Variants in DNAH10 observed in about 807,000 individuals in gnomAD.
DNAH10 encodes axonemal beta dynein heavy chain 10.
In DNAH10, 348 loss-of-function variants were observed where a neutral mutation model predicts 506.6. The ratio of observed to expected loss-of-function variants is 0.69; its 90% confidence interval spans 0.63 to 0.75. The LOEUF (loss-of-function observed/expected upper bound fraction) is 0.75. Among genes scored for constraint, DNAH10 ranks in the 30% least tolerant of loss-of-function variants. The pLI, the probability that DNAH10 is intolerant of heterozygous loss-of-function variation, is 0.00. For synonymous variants in DNAH10, 2,059 were observed against 2,198.6 expected (o/e 0.94, Z 1.78); for missense variants, 5,179 against 5,787.1 (o/e 0.89, Z 3.41).
chr12:123,797,822 AC>A (rs950663352), intron 13 of DNAH10, among the ~76,000 whole-genome samples: 1 of 151,832 alleles, frequency 6.6e-6, no homozygotes, highest in Non-Finnish European at 1.5e-5. Flanking sequence ...ATATGATCTC[AC>A]CCCCCACCCA....
At chr12:123,774,763 A>G (rs985313958) in intron 5 of DNAH10, among the ~76,000 whole-genome samples, 5 of 152,236 alleles carry the variant, frequency 3.3e-5, no homozygotes, top group African/African-American at 7.2e-5. Context: ...CCTTGCCCTC[A>G]TTCCCGTAAA....
intron 4 of DNAH10, 105 bp from the exon 5 acceptor site, chr12:123,774,044 T>C: frequency 1.3e-6 from 1 of 755,532 alleles, no homozygotes; most frequent in South Asian, 1.8e-5. Context: ...AGAACATTCC[T>C]TGTAGCAGCT....
At chr12:123,783,891 A>G (rs1189907424) in intron 7 of DNAH10, 56 bp from the exon 8 acceptor site, 5 of 1,489,124 alleles carry the variant, frequency 3.4e-6, no homozygotes, top group Non-Finnish European at 4.7e-6. Context: ...AACCACCATA[A>G]GTGTCTGCTC....
chr12:123,934,324 C>G, intron 77 of DNAH10: 1 of 682,352 alleles, frequency 1.5e-6, no homozygotes. Context: ...CCAGGGTGGT[C>G]TAAGTCCGTG....
At chr12:123,920,970 G>A (rs950008873) in intron 65 of DNAH10, among the ~76,000 whole-genome samples, 5 of 152,014 alleles carry the variant, frequency 3.3e-5, no homozygotes, top group African/African-American at 4.8e-5. Flanking sequence ...TGGTGGTCTC[G>A]CCATGTTGCC....
chr12:123,806,228 C>T (rs779270073), intron 18 of DNAH10, among the ~76,000 whole-genome samples: 14 of 152,200 alleles, frequency 9.2e-5, no homozygotes, highest in Non-Finnish European at 1.9e-4. Flanking sequence ...CTAAATGCAG[C>T]AAGTGTGTAG....
intron 53 of DNAH10, among the ~76,000 whole-genome samples, chr12:123,894,169 C>A (rs1318016299): frequency 1.4e-5 from 2 of 147,298 alleles, no homozygotes; most frequent in Non-Finnish European, 3.0e-5. Flanking sequence ...TAGGTCACTG[C>A]AGCCTCGACC....
Position 123,783,274 on chromosome 12 carries a change from GCAGGGCTTT to G in DNAH10, c.999+14_999+22del. 6.2e-7 allele frequency: 1 copy of G among 1,613,292 alleles called. No individual in the cohort carries two copies. The highest frequency in any genetic ancestry group is 8.5e-7 in the Non-Finnish European group (1 of 1,179,824). ...GAAGAAGACACCTCAGGTAGTTTGT[GCAGGGCTTT>G]CAGAGAGCCCCGATCCAGGTCATGC... On this transcript the variant is annotated intron_variant, in intron 7 of 78. Coordinates refer to ENST00000673944, the MANE Select transcript of DNAH10 (RefSeq NM_001372106.1).
chr12:123,810,409 G>A (rs1040890553), intron 19 of DNAH10, among the ~76,000 whole-genome samples: 5 of 152,180 alleles, frequency 3.3e-5, no homozygotes, highest in South Asian at 2.1e-4. Flanking sequence ...AAGGCCAGGC[G>A]CGGTGGCTCA....
intron 76 of DNAH10, 86 bp from the exon 77 acceptor site, chr12:123,933,245 A>G: frequency 1.6e-6 from 2 of 1,267,618 alleles, no homozygotes; most frequent in East Asian, 6.1e-5. Context: ...TATGTCTTTT[A>G]TCATAAACTA....
rs1953953265 is a variant in DNAH10, at chr12:123,909,191, G to C, written c.9816-70G>C. ...TCTTTTGGTTGAGCTCGTTTTTCTGGAGCTCTCTTTCAGGCCAGATCCTGG... is the reference window on the plus strand; with the variant it reads ...TCTTTTGGTTGAGCTCGTTTTTCTGCAGCTCTCTTTCAGGCCAGATCCTGG... On this transcript the variant is annotated intron_variant, in intron 57 of 78. Transcript: ENST00000673944. The surrounding 1 kb of genome is among the most constrained non-coding windows in gnomAD (Gnocchi z 5.4). 1.3e-6 allele frequency: 2 copies of C among 1,559,450 alleles called. No individual in the cohort carries two copies. The highest frequency in any genetic ancestry group is 1.2e-5 in the South Asian group (1 of 84,496).
chr12:123,918,940 G>T lies in DNAH10; in HGVS notation c.11497G>T (p.Gly3833Cys). The T allele has an allele frequency of 6.2e-7, 1 of 1,610,340 alleles. No individual in the cohort carries two copies. Residue 3833 changes from glycine (G) to cysteine (C), a missense_variant, in exon 65 of 79, where the codon GGC (glycine) becomes TGC (cysteine). Gly to Cys is a radical substitution (Grantham distance 159). Coordinates refer to ENST00000673944, the MANE Select transcript of DNAH10 (RefSeq NM_001372106.1). ...DTLTFSIYNH[G>C]CTGLFERHKL... ...GCTGACCTTCAGCATCTATAACCAC[G>T]GCTGCACAGGTGAGCTCTCCCCACA...
At chr12:123,922,882 A>G (rs942170278) in intron 65 of DNAH10, 1 of 152,204 alleles carries the variant, frequency 6.6e-6, no homozygotes, top group African/African-American at 2.4e-5. Context: ...GTCTCCAAAT[A>G]CTGTCATATT....
At position 123,762,542 on chromosome 12, in the gene DNAH10, T is replaced by C; in HGVS notation, c.206T>C (p.Val69Ala). 1.9e-6 allele frequency: 3 copies of C among 1,555,268 alleles called. No individual in the cohort carries two copies. The highest frequency in any genetic ancestry group is 1.7e-6 in the Non-Finnish European group (2 of 1,151,058). ...YRTMVPEEVE[V>A]EIDEIPVLSE... ...ACTATGGTGCCGGAGGAGGTGGAGGTGGAGATTGGTGAGCCTCGACGCGCC... is the reference window on the plus strand; with the variant it reads ...ACTATGGTGCCGGAGGAGGTGGAGGCGGAGATTGGTGAGCCTCGACGCGCC... Residue 69 changes from valine to alanine, a missense_variant, in exon 1 of 79, where the codon GTG (valine) becomes GCG (alanine). Physicochemically the swap from Val to Ala is moderately conservative, Grantham distance 64 (BLOSUM62 0). Around this residue, in one of 3 missense-constraint regions of DNAH10, gnomAD observed 326 missense variants for 330.8 expected, o/e 0.99. Coordinates refer to ENST00000673944, the MANE Select transcript of DNAH10 (RefSeq NM_001372106.1). This position sits in a 1 kb window ranked among gnomAD's most constrained non-coding sequence, Gnocchi z 5.0.
At chr12:123,815,408 C>A (rs2136377374) in intron 21 of DNAH10, among the ~76,000 whole-genome samples, 1 of 152,156 alleles carries the variant, frequency 6.6e-6, no homozygotes, top group African/African-American at 2.4e-5. Flanking sequence ...GAATTTTAAT[C>A]ATTTATCCAC....
Position 123,907,873 on chromosome 12 carries a change from G to A in DNAH10, c.9816-1388G>A, listed in dbSNP as rs893856225. On this transcript the variant is annotated intron_variant, in intron 57 of 78. Coordinates refer to ENST00000673944, the MANE Select transcript of DNAH10 (RefSeq NM_001372106.1). The surrounding 1 kb of genome is among the most constrained non-coding windows in gnomAD (Gnocchi z 4.4). ...TCGAGCCTTTTCCCGGGGACTCAGG[G>A]CCTTTCTTTCATCACTGGGCTTTGT... is the stretch of plus-strand genomic sequence containing the variant. Among the ~76,000 whole-genome samples, 4 of 152,174 alleles carry A rather than the reference G, an allele frequency of 2.6e-5. No homozygotes were observed. The highest frequency in any genetic ancestry group is 4.4e-5 in the Non-Finnish European group (3 of 68,024).
intron 76 of DNAH10, among the ~76,000 whole-genome samples, chr12:123,933,116 G>A: frequency 6.6e-6 from 1 of 152,180 alleles, no homozygotes; most frequent in East Asian, 1.9e-4. Flanking sequence ...CAGTACTTTT[G>A]TGGTTTTATT....
chr12:123,898,700 A>G lies in DNAH10; in HGVS notation c.9526A>G (p.Thr3176Ala), dbSNP rs374073664. The G allele has an allele frequency of 2.5e-6, 4 of 1,601,012 alleles. No individual in the cohort carries two copies. Among genetic ancestry groups the G allele is most frequent in the South Asian group, 2.3e-5 (2 of 88,364 alleles). ...GGGACTGGACAAGCTGAAGGAGGCC[A>G]CCATCCAGCTGGACGAGCTGAACCA... ...DGGLDKLKEA[T>A]IQLDELNQKL... Residue 3176 changes from threonine to alanine, a missense_variant, in exon 56 of 79, where the codon ACC becomes GCC. Transcript: ENST00000673944.
At chr12:123,794,616 C>T (rs1438931540) in intron 12 of DNAH10, among the ~76,000 whole-genome samples, 2 of 152,020 alleles carry the variant, frequency 1.3e-5, no homozygotes, top group African/African-American at 4.8e-5. Flanking sequence ...GAGGCCGAGG[C>T]CAGCGGATTG....
Sources: allele counts gnomAD v4.1 joint callset (sites outside exome capture counted in the v4.1 genomes callset), GRCh38; gene constraint gnomAD v4.1.1; regional missense constraint gnomAD v4.1.1; non-coding constraint Gnocchi (gnomAD v3.1); transcripts MANE v1.5; gene names NCBI Gene and HGNC (gene_info 2026-07-23, HGNC 2026-07-21).